AVL9: variants seen among roughly 807,000 people sequenced by gnomAD.
The protein encoded by AVL9 is late secretory pathway protein AVL9 homolog.
Under a neutral mutation model 79.2 loss-of-function variants are expected in AVL9, and 49 were observed. The ratio of observed to expected loss-of-function variants is 0.62; its 90% CI spans 0.49 to 0.79. The LOEUF (loss-of-function observed/expected upper bound fraction) is 0.79, where lower values mean the gene tolerates loss of function less well. Among genes scored for constraint, AVL9 ranks in the 30% least tolerant of loss-of-function variants. The pLI, the probability that AVL9 is intolerant of heterozygous loss-of-function variation, is 0.00. For missense variants in AVL9, 682 were observed against 776.8 expected, an observed-to-expected ratio of 0.88 and a Z score of 1.45; for synonymous variants, 299 against 280.6, an observed-to-expected ratio of 1.07 and a Z score of -0.65.
At chr7:32,555,502 T>C (rs575355186) in intron 8 of AVL9, among the ~76,000 whole-genome samples, 1 of 152,372 alleles carries the variant, frequency 6.6e-6, no homozygotes, top group South Asian at 2.1e-4. Flanking sequence ...TTTGCCATGA[T>C]TGGCTTAGTC....
intron 8 of AVL9, 97 bp downstream of exon 8, chr7:32,554,693 T>A: frequency 1.2e-6 from 1 of 811,280 alleles, no homozygotes; most frequent in Non-Finnish European, 1.8e-6. Context: ...GATAAAGTAT[T>A]AAGATACTTT....
intron 3 of AVL9, among the ~76,000 whole-genome samples, chr7:32,546,308 C>G (rs1562779272): frequency 6.6e-6 from 1 of 151,940 alleles, no homozygotes; most frequent in Non-Finnish European, 1.5e-5. Context: ...CTCTTTTTCC[C>G]CTGACCCACT....
At position 32,502,406 on chromosome 7, in the gene AVL9, A is replaced by AAAAAGAAAG. The variant is rs201243248; in HGVS notation, c.93+6607_93+6608insAGAAAGAAA. 8.0e-3 allele frequency among the ~76,000 whole-genome samples: 1,122 copies of AAAAAGAAAG among 140,112 alleles called. 11 individuals are homozygous for AAAAAGAAAG. Among genetic ancestry groups the AAAAAGAAAG allele is most frequent in the Non-Finnish European group, 0.014 (912 of 65,272 alleles). The allele number at this position is 140,112 out of a possible 152,430, so 91.9% of individuals were successfully genotyped here. A position where few individuals can be genotyped will look rare whatever the true frequency, so the allele number is the denominator to read the frequency against. On this transcript the variant is annotated intron_variant, in intron 1 of 15. Transcript: ENST00000318709. ...AAACCCTTTCTCAAAAAAAAAAAAAAAAAGAAAGAAAAGGTATCAAACCAT... is the reference window on the plus strand; with the variant it reads ...AAACCCTTTCTCAAAAAAAAAAAAAAAAAAGAAAGAAAGAAAGAAAAGGTATCAAACCAT...
At chr7:32,575,510 T>A (rs1791050943) in intron 12 of AVL9, among the ~76,000 whole-genome samples, 1 of 122,270 alleles carries the variant, frequency 8.2e-6, no homozygotes, top group South Asian at 3.7e-4. Flanking sequence ...GTATTCATTC[T>A]TAATCTTTTT....
chr7:32,551,604 A>ATTTTTTTTTTTT (rs1789822905), intron 5 of AVL9, among the ~76,000 whole-genome samples, 181 bp downstream of exon 5: 10 of 17,762 alleles, frequency 5.6e-4, no homozygotes, highest in African/African-American at 7.5e-4. Flanking sequence ...ATTTAACCAA[A>ATTTTTTTTTTTT]CTTTTTTTTT....
chr7:32,552,324 G>C (rs568434664), intron 6 of AVL9, 29 bp downstream of exon 6: 2 of 1,400,386 alleles, frequency 1.4e-6, no homozygotes, highest in Non-Finnish European at 2.0e-6. Flanking sequence ...AGTTAAAAGA[G>C]ATCCCCTCAT....
At chr7:32,502,891 A>G (rs915759687) in intron 1 of AVL9, among the ~76,000 whole-genome samples, 1 of 152,182 alleles carries the variant, frequency 6.6e-6, no homozygotes. Context: ...TTATTTCCCA[A>G]TGTCAATACT....
In AVL9 at chr7:32,559,061, A is replaced by G; in HGVS notation, c.812A>G (p.His271Arg). The G allele has an allele frequency of 3.7e-6, 6 of 1,614,196 alleles. No individual in the cohort carries two copies. The highest frequency in any genetic ancestry group is 2.2e-5 in the South Asian group (2 of 91,090). ...FVSASTADVS[H>R]TNLGTIRKVM... ...TCTGCATCCACTGCTGATGTTTCACATACCAACTTGGGAACTATCAGGAAA... is the reference window on the plus strand; with the variant it reads ...TCTGCATCCACTGCTGATGTTTCACGTACCAACTTGGGAACTATCAGGAAA... Residue 271 changes from histidine (H) to arginine (R), a missense_variant, in exon 10 of 16, where the codon CAT becomes CGT. Transcript: ENST00000318709.
chr7:32,527,456 G>A (rs936841768), intron 1 of AVL9, among the ~76,000 whole-genome samples: 19 of 152,118 alleles, frequency 1.2e-4, no homozygotes, highest in African/African-American at 4.3e-4. Flanking sequence ...CTATACAACC[G>A]AGACTACAGT....
intron 1 of AVL9, among the ~76,000 whole-genome samples, chr7:32,503,241 C>T (rs1036380240): frequency 6.0e-5 from 9 of 150,300 alleles, no homozygotes; most frequent in Admixed American, 4.0e-4. Context: ...TTTGGGAGGC[C>T]GAGGCAGGTG....
intron 1 of AVL9, among the ~76,000 whole-genome samples, chr7:32,503,322 ATATATATATATC>A (rs1308356252): frequency 1.6e-5 from 2 of 122,348 alleles, no homozygotes; most frequent in Non-Finnish European, 3.4e-5. Flanking sequence ...ACTAAAAGAT[ATATATATATATC>A]TATATATATA....
At chr7:32,551,106 A>AGCAAGTCTGAG (rs1789794882) in intron 4 of AVL9, among the ~76,000 whole-genome samples, 1 of 152,200 alleles carries the variant, frequency 6.6e-6, no homozygotes, top group African/African-American at 2.4e-5. Flanking sequence ...GTCTGAGCCC[A>AGCAAGTCTGAG]CACTCTTAAG....
chr7:32,506,125 G>C (rs950737594), intron 1 of AVL9, among the ~76,000 whole-genome samples: 6 of 151,984 alleles, frequency 3.9e-5, no homozygotes, highest in Admixed American at 3.9e-4. Context: ...TAGTTTATAA[G>C]CTAGGCACAA....
chr7:32,568,427 C>G (rs1790681617), intron 10 of AVL9, among the ~76,000 whole-genome samples: 1 of 152,082 alleles, frequency 6.6e-6, no homozygotes, highest in Non-Finnish European at 1.5e-5. Flanking sequence ...TCTCGAACTC[C>G]TGACCTCAAG....
At chr7:32,526,679 T>C (rs1788414153) in intron 1 of AVL9, among the ~76,000 whole-genome samples, 1 of 152,152 alleles carries the variant, frequency 6.6e-6, no homozygotes, top group Admixed American at 6.5e-5. Context: ...ATCCTGTTTC[T>C]ATCTGTGAAG....
At chr7:32,501,859 T>G (rs1787141445) in intron 1 of AVL9, among the ~76,000 whole-genome samples, 1 of 152,162 alleles carries the variant, frequency 6.6e-6, no homozygotes, top group Non-Finnish European at 1.5e-5. Flanking sequence ...AGAAGGGCCC[T>G]AATCTACTAG....
chr7:32,527,510 C>T (rs1583521596), intron 1 of AVL9, among the ~76,000 whole-genome samples: 1 of 151,590 alleles, frequency 6.6e-6, no homozygotes, highest in Non-Finnish European at 1.5e-5. Flanking sequence ...TTTGTAACTT[C>T]GCCTTTGGTT....
At chr7:32,554,642 A>G (rs932881861) in intron 8 of AVL9, 46 bp downstream of exon 8, 4 of 1,304,054 alleles carry the variant, frequency 3.1e-6, no homozygotes, top group African/African-American at 3.0e-5. Flanking sequence ...TTTAACTTTT[A>G]TTCACTTTTT....
chr7:32,499,739 C>G (rs188336277), intron 1 of AVL9, among the ~76,000 whole-genome samples: 135 of 152,200 alleles, frequency 8.9e-4, no homozygotes, highest in Non-Finnish European at 1.8e-3. Context: ...AATGCTTTCC[C>G]TCCCCTTGCC....
Sources: allele counts gnomAD v4.1 joint callset (sites outside exome capture counted in the v4.1 genomes callset), GRCh38; gene constraint gnomAD v4.1.1; transcripts MANE v1.5; gene names NCBI Gene and HGNC (gene_info 2026-07-23, HGNC 2026-07-21).